The following TRPC4 variants were observed in gnomAD, a reference collection of about 807,000 sequenced individuals.
TRPC4 encodes transient receptor potential cation channel subfamily C member 4.
In TRPC4, 49 loss-of-function variants were observed where a neutral mutation model predicts 99.4. The observed-to-expected ratio is 0.49, with a 90% confidence interval of 0.39 to 0.63. The LOEUF is 0.63. Ranked by LOEUF, TRPC4 falls within the 20% of genes least tolerant of loss-of-function variation. TRPC4 has a pLI of 0.00. For synonymous variants in TRPC4, 454 were observed against 425.9 expected (o/e 1.07, Z -0.81); for missense variants, 898 against 1,152.9 (o/e 0.78, Z 3.20).
chr13:37,743,047 AT>A (rs750945579), intron 3 of TRPC4, among the ~76,000 whole-genome samples: 1 of 152,046 alleles, frequency 6.6e-6, no homozygotes, highest in Non-Finnish European at 1.5e-5. Context: ...TTTCGTTTTC[AT>A]TTTTTTCTCC....
intron 3 of TRPC4, among the ~76,000 whole-genome samples, chr13:37,715,112 A>G (rs980587405): frequency 6.6e-6 from 1 of 152,178 alleles, no homozygotes. Flanking sequence ...CAGGAGTTTC[A>G]TGGTCTAAAG....
chr13:37,650,638 T>C (rs367630430), intron 8 of TRPC4, among the ~76,000 whole-genome samples: 917 of 31,832 alleles, frequency 0.029, 7 homozygotes, highest in African/African-American at 0.069. Context: ...CACACACATA[T>C]ATATATATTT....
In TRPC4 at chr13:37,825,731, G is replaced by GA. The variant is rs765929372; in HGVS notation, c.-27-42372dup. Among the ~76,000 whole-genome samples the GA allele has an allele frequency of 7.7e-3, 1,151 of 148,816 alleles. 5 individuals carry two copies. The highest frequency in any genetic ancestry group is 0.012 in the Non-Finnish European group (834 of 67,206). ...TTTGGAATAGGTGTGGTGTGGTGCT[G>GA]AAAAAAATGTATATTCTGTTGATTT... On this transcript the variant is annotated intron_variant, in intron 1 of 10. Coordinates refer to ENST00000379705, the MANE Select transcript of TRPC4 (RefSeq NM_016179.4).
At chr13:37,839,419 G>C (rs1281329705) in intron 1 of TRPC4, among the ~76,000 whole-genome samples, 1 of 152,050 alleles carries the variant, frequency 6.6e-6, no homozygotes, top group Non-Finnish European at 1.5e-5. Context: ...GGCACATCCA[G>C]GGTTAATCTA....
At chr13:37,862,968 T>G (rs114304299) in intron 1 of TRPC4, among the ~76,000 whole-genome samples, 5,468 of 151,644 alleles carry the variant, frequency 0.036, 309 homozygotes, top group African/African-American at 0.12. Context: ...ACTTTTTCTA[T>G]GTTTAAATAC....
At chr13:37,849,673 G>GAAAACA (rs1959004900) in intron 1 of TRPC4, among the ~76,000 whole-genome samples, 1 of 152,102 alleles carries the variant, frequency 6.6e-6, no homozygotes, top group Non-Finnish European at 1.5e-5. Flanking sequence ...AGGGATTGTG[G>GAAAACA]AAAACAAAAA....
chr13:37,814,736 T>G (rs1275059373), intron 1 of TRPC4, among the ~76,000 whole-genome samples: 1 of 151,814 alleles, frequency 6.6e-6, no homozygotes, highest in Non-Finnish European at 1.5e-5. Flanking sequence ...GAAATCTTAA[T>G]GTAAAAATGA....
chr13:37,834,848 C>T (rs1463659745), intron 1 of TRPC4, among the ~76,000 whole-genome samples: 2 of 152,118 alleles, frequency 1.3e-5, no homozygotes, highest in African/African-American at 4.8e-5. Flanking sequence ...GAGTCTCCTG[C>T]CTCAGCCTCC....
intron 3 of TRPC4, among the ~76,000 whole-genome samples, chr13:37,717,386 C>G (rs1462527297): frequency 3.3e-5 from 5 of 152,130 alleles, no homozygotes; most frequent in African/African-American, 1.2e-4. Flanking sequence ...GTATTTTACA[C>G]ACCAACATGA....
intron 4 of TRPC4, among the ~76,000 whole-genome samples, chr13:37,674,804 T>C (rs573128486): frequency 1.3e-5 from 2 of 152,300 alleles, no homozygotes; most frequent in South Asian, 4.1e-4. Context: ...GAGTATCTTG[T>C]TGTGTTTCTT....
intron 3 of TRPC4, among the ~76,000 whole-genome samples, chr13:37,725,090 C>T (rs992821845): frequency 6.6e-6 from 1 of 151,832 alleles, no homozygotes; most frequent in East Asian, 1.9e-4. Flanking sequence ...AAAATAAATT[C>T]TAGAGCTGAA....
chr13:37,653,810 G>A (rs1387010272), intron 7 of TRPC4, among the ~76,000 whole-genome samples: 2 of 152,118 alleles, frequency 1.3e-5, no homozygotes, highest in African/African-American at 4.8e-5. Context: ...CTTGTATCTA[G>A]CTTGATAATT....
chr13:37,798,989 T>C (rs1593769692), intron 1 of TRPC4, among the ~76,000 whole-genome samples: 1 of 151,062 alleles, frequency 6.6e-6, no homozygotes, highest in East Asian at 1.9e-4. Context: ...TGGAATACAG[T>C]GGCGTGATCT....
At chr13:37,652,006 C>T (rs1200876871) in intron 7 of TRPC4, among the ~76,000 whole-genome samples, 2 of 152,210 alleles carry the variant, frequency 1.3e-5, no homozygotes, top group Non-Finnish European at 2.9e-5. Flanking sequence ...TAGAATTGGG[C>T]CTCTCTGACA....
chr13:37,681,016 T>G (rs1403741555), intron 4 of TRPC4, among the ~76,000 whole-genome samples: 1 of 152,166 alleles, frequency 6.6e-6, no homozygotes, highest in Non-Finnish European at 1.5e-5. Flanking sequence ...GTCATCGAAA[T>G]AGCGAAATTC....
rs142195396 is a variant in TRPC4, at chr13:37,633,664, G to C, written c.*3239C>G. On this transcript the variant is annotated 3_prime_UTR_variant, in exon 11 of 11. Coordinates refer to ENST00000379705, the MANE Select transcript of TRPC4 (RefSeq NM_016179.4). ...CATCACTAAAGTATTTCAAGTTGCT[G>C]TCTACGTCAAGGCAAGAAAGTGAGT... 2.1e-3 allele frequency among the ~76,000 whole-genome samples: 325 copies of C among 152,186 alleles called. No homozygotes were observed. Among genetic ancestry groups the C allele is most frequent in the African/African-American group, 7.6e-3 (314 of 41,542 alleles).
At chr13:37,826,679 C>G (rs534415674) in intron 1 of TRPC4, among the ~76,000 whole-genome samples, 3 of 151,962 alleles carry the variant, frequency 2.0e-5, no homozygotes, top group Non-Finnish European at 4.4e-5. Flanking sequence ...GAGGGTAACC[C>G]GACCTTTCTC....
chr13:37,641,343 C>T (rs1435005993), intron 8 of TRPC4, among the ~76,000 whole-genome samples: 2 of 152,044 alleles, frequency 1.3e-5, no homozygotes, highest in African/African-American at 4.8e-5. Context: ...TTATATAGTC[C>T]AGGTTTAAGA....
chr13:37,773,743 G>T (rs1422027257), intron 2 of TRPC4, among the ~76,000 whole-genome samples: 5 of 151,746 alleles, frequency 3.3e-5, no homozygotes, highest in Admixed American at 2.6e-4. Flanking sequence ...TTGATAAATT[G>T]TAATACTGAA....
Sources: allele counts gnomAD v4.1 joint callset (sites outside exome capture counted in the v4.1 genomes callset), GRCh38; gene constraint gnomAD v4.1.1; transcripts MANE v1.5; gene names NCBI Gene and HGNC (gene_info 2026-07-23, HGNC 2026-07-21).